GOLGA4: variants seen among roughly 807,000 people sequenced by gnomAD.
The protein encoded by GOLGA4 is golgin subfamily A member 4.
GOLGA4 carries 169 observed loss-of-function variants against 265.9 expected under a neutral mutation model. That is an observed-to-expected ratio of 0.64 (90% confidence interval 0.56 to 0.72). The LOEUF (loss-of-function observed/expected upper bound fraction) is 0.72. Among genes scored for constraint, GOLGA4 ranks in the 30% least tolerant of loss-of-function variants. The pLI, the probability that GOLGA4 is intolerant of heterozygous loss-of-function variation, is 0.00. For synonymous variants in GOLGA4, 923 were observed against 855.8 expected (o/e 1.08, Z -1.37); for missense variants, 2,482 against 2,483.4 (o/e 1.00, Z 0.01).
In GOLGA4 at chr3:37,258,025, GTA is replaced by G. The variant is rs1188765719; in HGVS notation, c.162+6547_162+6548del. On this transcript the variant is annotated intron_variant, in intron 2 of 23. Transcript: ENST00000361924. ...TATATACATACATATATATATGTAT[GTA>G]TATATGTATATATACATACATATAT... 2.8e-5 allele frequency among the ~76,000 whole-genome samples: 2 copies of G among 72,660 alleles called. 1 individual carries two copies. The highest frequency in any genetic ancestry group is 5.1e-5 in the Non-Finnish European group (2 of 38,932). The allele number at this position is 72,660 out of a possible 152,430, so 47.7% of individuals were successfully genotyped here.
chr3:37,328,233 G>GACACACACACACACAC (rs4021346), intron 14 of GOLGA4, among the ~76,000 whole-genome samples, 183 bp from the exon 15 acceptor site: 20 of 138,536 alleles, frequency 1.4e-4, no homozygotes, highest in Admixed American at 3.7e-4. Flanking sequence ...TATGTACCTG[G>GACACACACACACACAC]ACACACACAC....
chr3:37,336,304 A>G (rs2097012381), intron 17 of GOLGA4, among the ~76,000 whole-genome samples: 1 of 152,128 alleles, frequency 6.6e-6, no homozygotes, highest in Non-Finnish European at 1.5e-5. Context: ...GAGAAAATAC[A>G]TGTATTTAAC....
At chr3:37,273,270 A>G (rs560309605) in intron 2 of GOLGA4, among the ~76,000 whole-genome samples, 2 of 152,328 alleles carry the variant, frequency 1.3e-5, no homozygotes, top group East Asian at 3.9e-4. Flanking sequence ...GGGAAGAGGT[A>G]TGTGACTAGC....
chr3:37,321,685 G>A (rs368681046), intron 12 of GOLGA4, 46 bp from the exon 13 acceptor site: 85 of 1,541,686 alleles, frequency 5.5e-5, no homozygotes, highest in Non-Finnish European at 7.2e-5. Context: ...TGCGAATGCT[G>A]AAGATTTATG....
In GOLGA4 at chr3:37,282,256, G is replaced by C; in HGVS notation, c.461G>C (p.Arg154Thr). ...RRMERSLSSY[R>T]GKYSELVTAY... ...ATGGAACGAAGCTTAAGTAGCTACA[G>C]GGGAAAATATTCTGAGGTAGGAGCA... Residue 154 changes from arginine to threonine, a missense_variant, in exon 3 of 24, where the codon AGG (arginine) becomes ACG (threonine). Around this residue, in one of 3 missense-constraint regions of GOLGA4, gnomAD observed 1,536 missense variants for 1,483.7 expected, o/e 1.04. Transcript: ENST00000361924. The C allele has an allele frequency of 6.2e-7, 1 of 1,613,716 alleles. No individual in the cohort carries two copies. Among genetic ancestry groups the C allele is most frequent in the Non-Finnish European group, 8.5e-7 (1 of 1,179,680 alleles).
At chr3:37,323,334 G>A (rs1243783231) in intron 13 of GOLGA4, among the ~76,000 whole-genome samples, 1 of 151,990 alleles carries the variant, frequency 6.6e-6, no homozygotes, top group Non-Finnish European at 1.5e-5. Context: ...TGCCATGTTG[G>A]TCAGGCTGGG....
chr3:37,247,447 A>G (rs1283192253), intron 1 of GOLGA4, among the ~76,000 whole-genome samples: 6 of 152,216 alleles, frequency 3.9e-5, no homozygotes, highest in African/African-American at 1.4e-4. Context: ...GTAGTTGTGC[A>G]AAATAAGGCA....
At chr3:37,315,839 C>G (rs1402464613) in intron 11 of GOLGA4, among the ~76,000 whole-genome samples, 1 of 152,148 alleles carries the variant, frequency 6.6e-6, no homozygotes, top group Non-Finnish European at 1.5e-5. Flanking sequence ...TGTGCCTTAA[C>G]TGTTCTGTGG....
chr3:37,261,619 C>A (rs1237661167), intron 2 of GOLGA4, among the ~76,000 whole-genome samples: 2 of 152,100 alleles, frequency 1.3e-5, no homozygotes, highest in African/African-American at 4.8e-5. Context: ...ATTTAATTTT[C>A]TCTTTGAACT....
At position 37,319,138 on chromosome 3, in the gene GOLGA4, A is replaced by T; in HGVS notation, c.1489A>T (p.Thr497Ser). 2 of 1,612,016 alleles carry T rather than the reference A, an allele frequency of 1.2e-6. No individual in the cohort carries two copies. Among genetic ancestry groups the T allele is most frequent in the Non-Finnish European group, 1.7e-6 (2 of 1,178,614 alleles). Residue 497 changes from threonine (T) to serine (S), a missense_variant, in exon 12 of 24, where the codon ACC becomes TCC. Around this residue, in one of 3 missense-constraint regions of GOLGA4, gnomAD observed 1,536 missense variants for 1,483.7 expected, o/e 1.04. Transcript: ENST00000361924. ...GCTGGCCAGAAAAGAGCAGGAACTGACCAAGAAGCTTCAGACCCGAGAAAG... is the reference window on the plus strand; with the variant it reads ...GCTGGCCAGAAAAGAGCAGGAACTGTCCAAGAAGCTTCAGACCCGAGAAAG... The part of the protein sequence containing the change: ...KELARKEQEL[T>S]KKLQTREREF...
chr3:37,344,233 C>T (rs2097048625), intron 20 of GOLGA4, among the ~76,000 whole-genome samples: 2 of 152,224 alleles, frequency 1.3e-5, no homozygotes, highest in Non-Finnish European at 2.9e-5. Context: ...TCTAAAGTAG[C>T]TGGGATTACA....
chr3:37,258,110 ATATGTG>A (rs1214207741), intron 2 of GOLGA4, among the ~76,000 whole-genome samples: 3 of 136,750 alleles, frequency 2.2e-5, no homozygotes, highest in African/African-American at 8.3e-5. Context: ...CTGTATATAT[ATATGTG>A]TGTATATATA....
chr3:37,328,549 T>A lies in GOLGA4; in HGVS notation c.6061+12T>A, dbSNP rs368611231. 7 of 1,603,820 alleles carry A rather than the reference T, an allele frequency of 4.4e-6. No homozygotes were observed. Among genetic ancestry groups the A allele is most frequent in the African/African-American group, 1.3e-5 (1 of 74,348 alleles). On this transcript the variant is annotated intron_variant, in intron 15 of 23. Coordinates refer to ENST00000361924, the MANE Select transcript of GOLGA4 (RefSeq NM_002078.5). ...AAAAGAAACTATCAGTAAGTAAAAT[T>A]AAGTTCCATAAGGAACAATTATATC...
chr3:37,313,312 T>A (rs1011816964), intron 10 of GOLGA4: 1 of 152,250 alleles, frequency 6.6e-6, no homozygotes, highest in Admixed American at 6.5e-5. Flanking sequence ...TCTTGGCAAT[T>A]TGCCTTTAAT....
chr3:37,310,452 A>G lies in GOLGA4; in HGVS notation c.1235-4968A>G, dbSNP rs191988362. On this transcript the variant is annotated intron_variant, in intron 10 of 23. Transcript: ENST00000361924. ...ATATTTTCTTTGTCACTTAATACCTAGCATATGCTTGGCAGTTGGTAAACA... is the reference window on the plus strand; with the variant it reads ...ATATTTTCTTTGTCACTTAATACCTGGCATATGCTTGGCAGTTGGTAAACA... Among the ~76,000 whole-genome samples the G allele has an allele frequency of 5.9e-5, 9 of 152,266 alleles. No individual in the cohort carries two copies. In the East Asian group the frequency reaches 1.7e-3, roughly 29 times the overall value.
In GOLGA4 at chr3:37,315,486, A is replaced by T; in HGVS notation, c.1301A>T (p.Lys434Met). The T allele has an allele frequency of 4.3e-6, 7 of 1,614,026 alleles. No individual in the cohort carries two copies. The highest frequency in any genetic ancestry group is 5.9e-6 in the Non-Finnish European group (7 of 1,179,890). Reference protein sequence around the residue: ...QKTEEARRKLKAEMDEQIKTI... With the variant: ...QKTEEARRKLMAEMDEQIKTI... ...ACAGAGGAAGCACGGAGAAAACTGA[A>T]GGCAGAAATGGATGAACAAATAAAA... The change falls in exon 11 of 24, where the codon AAG becomes ATG. Residue 434 changes from lysine (K) to methionine (M), a missense_variant. By Grantham distance (95) the Lys-to-Met change is moderately conservative (BLOSUM62 -1). This residue lies in a region of GOLGA4 where 1,536 missense variants were observed against 1,483.7 expected (regional missense o/e 1.04). Coordinates refer to ENST00000361924, the MANE Select transcript of GOLGA4 (RefSeq NM_002078.5).
Position 37,325,205 on chromosome 3 carries a change from A to G in GOLGA4, c.3319A>G (p.Thr1107Ala). 1.9e-6 allele frequency: 3 copies of G among 1,613,266 alleles called. No individual in the cohort carries two copies. Among genetic ancestry groups the G allele is most frequent in the South Asian group, 1.1e-5 (1 of 90,954 alleles). ...LKEEGVKQDT[T>A]LNELQEQLKQ... is the part of the protein sequence containing the mutation. ...GGAAGAAGGTGTTAAGCAGGATACA[A>G]CATTAAATGAATTACAGGAACAGTT... Residue 1107 changes from threonine to alanine, a missense_variant, in exon 14 of 24, where the codon ACA (threonine) becomes GCA (alanine). Coordinates refer to ENST00000361924, the MANE Select transcript of GOLGA4 (RefSeq NM_002078.5).
chr3:37,345,655 T>C (rs574439630), intron 20 of GOLGA4, among the ~76,000 whole-genome samples: 5 of 152,262 alleles, frequency 3.3e-5, no homozygotes, highest in Non-Finnish European at 5.9e-5. Flanking sequence ...GACACAAGTA[T>C]TGAAAAATAA....
intron 21 of GOLGA4, among the ~76,000 whole-genome samples, chr3:37,351,005 C>A (rs1578843623): frequency 6.6e-6 from 1 of 152,150 alleles, no homozygotes; most frequent in Middle Eastern, 3.4e-3. Flanking sequence ...ATGACATTTG[C>A]CATATCAGTT....
Sources: allele counts gnomAD v4.1 joint callset (sites outside exome capture counted in the v4.1 genomes callset), GRCh38; gene constraint gnomAD v4.1.1; regional missense constraint gnomAD v4.1.1; transcripts MANE v1.5; gene names NCBI Gene and HGNC (gene_info 2026-07-23, HGNC 2026-07-21).